Variants in CEP85L observed in about 807,000 individuals in gnomAD.
CEP85L encodes the protein centrosomal protein of 85 kDa-like.
Under a neutral mutation model 100.3 loss-of-function variants are expected in CEP85L, and 60 were observed. That is an observed-to-expected ratio of 0.60 (90% CI 0.49 to 0.74). CEP85L has a LOEUF of 0.74. CEP85L is among the 30% of genes least tolerant of loss of function. The probability of loss-of-function intolerance (pLI) is 0.00; values close to 1 mark genes in which losing one functional copy is unlikely to be tolerated. For synonymous variants in CEP85L, 319 were observed against 322.7 expected, an observed-to-expected ratio of 0.99 and a Z score of 0.12; for missense variants, 973 against 936.2, an observed-to-expected ratio of 1.04 and a Z score of -0.51.
chr6:118,543,502 A>T (rs1242786099), intron 3 of CEP85L, among the ~76,000 whole-genome samples: 1 of 152,202 alleles, frequency 6.6e-6, no homozygotes, highest in Non-Finnish European at 1.5e-5. Context: ...CCTATATAAT[A>T]TAAAAAGTCC....
At chr6:118,554,835 A>G (rs1171597193) in intron 3 of CEP85L, among the ~76,000 whole-genome samples, 1 of 152,192 alleles carries the variant, frequency 6.6e-6, no homozygotes, top group East Asian at 1.9e-4. Context: ...AGATAGAACA[A>G]CATGTGCAAA....
rs185682666 is a variant in CEP85L, at chr6:118,635,268, T to C, written c.74-2657A>G. 2.7e-3 allele frequency among the ~76,000 whole-genome samples: 416 copies of C among 152,346 alleles called. 2 individuals are homozygous for C. The highest frequency in any genetic ancestry group is 4.2e-3 in the Non-Finnish European group (283 of 68,022). On this transcript the variant is annotated intron_variant, in intron 1 of 12. Transcript: ENST00000368491. ...GTTGATAATGTTTAAGTGCTAAAAA[T>C]GATTTTATCAACCTATTTTTTAACA... is the stretch of plus-strand genomic sequence containing the variant.
chr6:118,485,530 TA>T (rs1276144652), intron 6 of CEP85L, among the ~76,000 whole-genome samples: 3 of 152,212 alleles, frequency 2.0e-5, no homozygotes, highest in African/African-American at 7.2e-5. Context: ...TTCTTAGGAT[TA>T]AAGGTAAATG....
At chr6:118,699,829 G>A (rs940127599) in intron 1 of CEP85L, among the ~76,000 whole-genome samples, 1 of 152,118 alleles carries the variant, frequency 6.6e-6, no homozygotes, top group African/African-American at 2.4e-5. Flanking sequence ...CGAGTAGCGG[G>A]GACTACAGGC....
chr6:118,524,909 G>C (rs1022451181), intron 3 of CEP85L, among the ~76,000 whole-genome samples: 5 of 152,164 alleles, frequency 3.3e-5, no homozygotes, highest in Middle Eastern at 3.2e-3. Context: ...TGCCTTATGC[G>C]GGGGAGGAGC....
chr6:118,614,105 A>G (rs761359009), intron 2 of CEP85L, among the ~76,000 whole-genome samples: 3 of 152,242 alleles, frequency 2.0e-5, no homozygotes, highest in Non-Finnish European at 4.4e-5. Flanking sequence ...ATGCACCACC[A>G]TATCAACAAA....
At chr6:118,508,139 T>G (rs902363467) in intron 5 of CEP85L, among the ~76,000 whole-genome samples, 1 of 152,198 alleles carries the variant, frequency 6.6e-6, no homozygotes, top group Non-Finnish European at 1.5e-5. Context: ...ACATTAGATG[T>G]TTAATGTTTT....
rs1260049230 is a variant in CEP85L at position 118,582,686 on chromosome 6, G to A, written c.233-16370C>T. 2.6e-5 allele frequency among the ~76,000 whole-genome samples: 4 copies of A among 152,176 alleles called. No homozygotes were observed. In the East Asian group the frequency reaches 7.7e-4, roughly 29 times the overall value. On this transcript the variant is annotated intron_variant, in intron 2 of 12. Transcript: ENST00000368491. ...CGATTACTCTAAACTATCTATGATA[G>A]ACCAGATGAGAATCCCACAGCCTTT...
chr6:118,605,894 G>C lies in CEP85L; in HGVS notation c.232+26559C>G, dbSNP rs536134173. 4.6e-5 allele frequency among the ~76,000 whole-genome samples: 7 copies of C among 151,934 alleles called. No individual in the cohort carries two copies. In the South Asian group the frequency reaches 1.5e-3, roughly 32 times the overall value. ...CCGGGCATGGTGGCACACACCTGTAGTCCCAGCTACTTGGGAGGCTGAGGC... is the reference window on the plus strand; with the variant it reads ...CCGGGCATGGTGGCACACACCTGTACTCCCAGCTACTTGGGAGGCTGAGGC... On this transcript the variant is annotated intron_variant, in intron 2 of 12. Coordinates refer to ENST00000368491, the MANE Select transcript of CEP85L (RefSeq NM_001042475.3).
chr6:118,616,399 G>A (rs1428030424), intron 2 of CEP85L, among the ~76,000 whole-genome samples: 1 of 152,028 alleles, frequency 6.6e-6, no homozygotes, highest in Non-Finnish European at 1.5e-5. Context: ...AGGAATGGTG[G>A]TACAAGCCTG....
intron 2 of CEP85L, among the ~76,000 whole-genome samples, chr6:118,591,417 C>G (rs1781183661): frequency 6.6e-6 from 1 of 152,104 alleles, no homozygotes; most frequent in African/African-American, 2.4e-5. Context: ...ACCAATCAGG[C>G]TGGTCATGGG....
chr6:118,498,349 A>G (rs934540179), intron 5 of CEP85L, among the ~76,000 whole-genome samples: 4 of 152,058 alleles, frequency 2.6e-5, no homozygotes, highest in Non-Finnish European at 5.9e-5. Context: ...AAAAATAAAT[A>G]AATACAAATG....
intron 1 of CEP85L, among the ~76,000 whole-genome samples, chr6:118,663,780 A>C (rs77819351): frequency 0.026 from 3,952 of 152,278 alleles, 174 homozygotes; most frequent in African/African-American, 0.086. Flanking sequence ...TAGTATTTGC[A>C]TATAACCTGT....
chr6:118,602,181 C>T (rs1781822005), intron 2 of CEP85L, among the ~76,000 whole-genome samples: 1 of 152,152 alleles, frequency 6.6e-6, no homozygotes, highest in Non-Finnish European at 1.5e-5. Flanking sequence ...GTCTCTTGCA[C>T]TCAGGGTAGA....
chr6:118,481,239 C>CT lies in CEP85L; in HGVS notation c.1745+539dup, dbSNP rs1039757410. Among the ~76,000 whole-genome samples, 287 of 141,614 alleles carry CT rather than the reference C, an allele frequency of 2.0e-3. 1 individual carries two copies. Among genetic ancestry groups the CT allele is most frequent in the African/African-American group, 4.8e-3 (186 of 38,890 alleles). 92.9% of individuals were successfully genotyped at this position (141,614 alleles called of 152,430 possible). A position where few individuals can be genotyped will look rare whatever the true frequency, so the allele number is the denominator to read the frequency against. On this transcript the variant is annotated intron_variant, in intron 8 of 12. Coordinates refer to ENST00000368491, the MANE Select transcript of CEP85L (RefSeq NM_001042475.3). Reference sequence around the variant, plus strand: ...CCTTTTTCGTTATTTAGAATTTTTACTTTTTTTTTTTTATAAAGCCATTAG... The same window carrying CT: ...CCTTTTTCGTTATTTAGAATTTTTACTTTTTTTTTTTTTATAAAGCCATTAG...
chr6:118,652,171 A>G (rs1437956801), upstream of CEP85L, among the ~76,000 whole-genome samples: 1 of 152,108 alleles, frequency 6.6e-6, no homozygotes, highest in Non-Finnish European at 1.5e-5. Context: ...GGTAATTAGT[A>G]CCCGAGGGGG....
chr6:118,541,856 CA>C (rs1252998061), intron 3 of CEP85L, among the ~76,000 whole-genome samples: 1 of 152,090 alleles, frequency 6.6e-6, no homozygotes, highest in Non-Finnish European at 1.5e-5. Context: ...ATTCTCACCC[CA>C]AAAATGTATA....
chr6:118,537,936 T>A, intron 3 of CEP85L: 1 of 972,192 alleles, frequency 1.0e-6, no homozygotes, highest in African/African-American at 1.8e-5. Flanking sequence ...CTGGTAAGAG[T>A]CATACCTTAA....
At chr6:118,518,329 G>T (rs2114754359) in intron 4 of CEP85L, among the ~76,000 whole-genome samples, 1 of 152,254 alleles carries the variant, frequency 6.6e-6, no homozygotes, top group Non-Finnish European at 1.5e-5. Context: ...TTGTACCTCT[G>T]TTAGAATTTG....
Sources: allele counts gnomAD v4.1 joint callset (sites outside exome capture counted in the v4.1 genomes callset), GRCh38; gene constraint gnomAD v4.1.1; transcripts MANE v1.5; gene names NCBI Gene and HGNC (gene_info 2026-07-23, HGNC 2026-07-21).